FOXP1: variants seen among roughly 807,000 people sequenced by gnomAD.
FOXP1 encodes forkhead box protein P1.
A neutral mutation model predicts 98.2 loss-of-function variants in FOXP1; 15 were observed. The observed-to-expected ratio is 0.15, with a 90% CI of 0.10 to 0.24. The LOEUF (loss-of-function observed/expected upper bound fraction) is 0.24, where lower values mean the gene tolerates loss of function less well. Ranked by LOEUF, FOXP1 falls within the 10% of genes least tolerant of loss-of-function variation. The pLI, the probability that FOXP1 is intolerant of heterozygous loss-of-function variation, is 1.00. For missense variants in FOXP1, 633 were observed against 848.5 expected (o/e 0.75, Z 3.15); for synonymous variants, 371 against 314.5 (o/e 1.18, Z -1.90).
intron 2 of FOXP1, among the ~76,000 whole-genome samples, chr3:71,530,338 C>T (rs190635930): frequency 9.9e-5 from 15 of 152,134 alleles, no homozygotes; most frequent in Admixed American, 2.0e-4. Context: ...CACACCCTCC[C>T]GCCACGTGAT....
chr3:71,228,985 G>A (rs1386116559), intron 5 of FOXP1, among the ~76,000 whole-genome samples: 1 of 134,124 alleles, frequency 7.5e-6, no homozygotes, highest in South Asian at 2.4e-4. Flanking sequence ...TTTTTTTGAT[G>A]TCTCATTTTT....
intron 4 of FOXP1, among the ~76,000 whole-genome samples, chr3:71,353,599 ATTG>A (rs1377618018): frequency 6.6e-6 from 1 of 152,118 alleles, no homozygotes; most frequent in Non-Finnish European, 1.5e-5. Context: ...ATGTCCTTTT[ATTG>A]TTAAGTTGCA....
chr3:71,480,111 G>T (rs1386540283), intron 3 of FOXP1, among the ~76,000 whole-genome samples: 1 of 152,194 alleles, frequency 6.6e-6, no homozygotes, highest in Admixed American at 6.5e-5. Context: ...CAGAAGAATT[G>T]GTTGACCCCG....
chr3:71,193,124 TTTGTTG>T (rs539003963), intron 6 of FOXP1, among the ~76,000 whole-genome samples: 6 of 151,430 alleles, frequency 4.0e-5, no homozygotes, highest in East Asian at 1.9e-4. Flanking sequence ...ATCCCCTTTG[TTTGTTG>T]TTGTTGTTGT....
chr3:71,459,503 C>T (rs1350137842), intron 3 of FOXP1, among the ~76,000 whole-genome samples: 3 of 152,196 alleles, frequency 2.0e-5, no homozygotes, highest in South Asian at 2.1e-4. Flanking sequence ...CCCTTCCTAA[C>T]GCAGCTTTTT....
At chr3:71,441,643 T>C (rs1307830654) in intron 3 of FOXP1, among the ~76,000 whole-genome samples, 1 of 152,220 alleles carries the variant, frequency 6.6e-6, no homozygotes, top group Non-Finnish European at 1.5e-5. Context: ...ACTGGTGGAA[T>C]TTTAAATCAG....
chr3:70,994,436 C>T (rs1175040993), intron 13 of FOXP1, among the ~76,000 whole-genome samples: 2 of 152,154 alleles, frequency 1.3e-5, no homozygotes, highest in Admixed American at 6.5e-5. Context: ...TCCTTTCTTC[C>T]TTATCCTACA....
At chr3:71,319,287 G>A (rs986382724) in intron 4 of FOXP1, among the ~76,000 whole-genome samples, 24 of 152,098 alleles carry the variant, frequency 1.6e-4, no homozygotes, top group Admixed American at 1.6e-3. Context: ...TTTTGTTGCT[G>A]TTTGGGGGTC....
intron 5 of FOXP1, among the ~76,000 whole-genome samples, chr3:71,281,424 T>TCAAAA (rs2071552678): frequency 6.6e-6 from 1 of 152,128 alleles, no homozygotes; most frequent in Non-Finnish European, 1.5e-5. Flanking sequence ...AAAACACATC[T>TCAAAA]GAGTGGTGAG....
At chr3:71,361,404 C>T (rs754842151) in intron 3 of FOXP1, among the ~76,000 whole-genome samples, 5 of 152,154 alleles carry the variant, frequency 3.3e-5, no homozygotes, top group Non-Finnish European at 5.9e-5. Flanking sequence ...AAGGAACAGT[C>T]GGCAGATCAC....
chr3:71,036,103 G>A (rs2047542102), intron 11 of FOXP1, among the ~76,000 whole-genome samples: 1 of 152,136 alleles, frequency 6.6e-6, no homozygotes, highest in Admixed American at 6.5e-5. Context: ...AACATGTCAA[G>A]AGGCCACAAA....
intron 4 of FOXP1, among the ~76,000 whole-genome samples, chr3:71,345,341 C>A (rs2077260158): frequency 6.6e-6 from 1 of 151,602 alleles, no homozygotes; most frequent in African/African-American, 2.4e-5. Context: ...TGAGCCAAGA[C>A]TGTGCCACTG....
At chr3:71,103,199 T>G (rs997418568) in intron 7 of FOXP1, among the ~76,000 whole-genome samples, 7 of 152,176 alleles carry the variant, frequency 4.6e-5, no homozygotes, top group African/African-American at 1.7e-4. Flanking sequence ...AATGAATGCA[T>G]GCATGTATGA....
At chr3:71,482,518 G>T (rs1056080696) in intron 3 of FOXP1, among the ~76,000 whole-genome samples, 1 of 151,628 alleles carries the variant, frequency 6.6e-6, no homozygotes, top group Non-Finnish European at 1.5e-5. Flanking sequence ...AGGGTAACTG[G>T]GATTACCAAG....
At chr3:71,391,177 C>A (rs1182452607) in intron 3 of FOXP1, among the ~76,000 whole-genome samples, 1 of 152,184 alleles carries the variant, frequency 6.6e-6, no homozygotes, top group Non-Finnish European at 1.5e-5. Context: ...ATTTCCAATT[C>A]TAGATTGGAC....
chr3:71,105,430 C>T (rs2057344511), intron 7 of FOXP1, among the ~76,000 whole-genome samples: 1 of 152,182 alleles, frequency 6.6e-6, no homozygotes, highest in Non-Finnish European at 1.5e-5. Flanking sequence ...GCACATGGAA[C>T]TAATGACTCC....
At chr3:70,995,144 G>C (rs1196147480) in intron 13 of FOXP1, among the ~76,000 whole-genome samples, 1 of 152,100 alleles carries the variant, frequency 6.6e-6, no homozygotes, top group Non-Finnish European at 1.5e-5. Context: ...TTAGAGGCTG[G>C]AAGAGTTCAT....
chr3:71,359,934 A>T (rs1347575157), intron 3 of FOXP1, among the ~76,000 whole-genome samples: 1 of 152,086 alleles, frequency 6.6e-6, no homozygotes, highest in African/African-American at 2.4e-5. Flanking sequence ...CTGGGATTAC[A>T]GGTGTCCGCC....
At chr3:71,431,538 G>GC (rs2084716910) in intron 3 of FOXP1, among the ~76,000 whole-genome samples, 1 of 152,154 alleles carries the variant, frequency 6.6e-6, no homozygotes, top group South Asian at 2.1e-4. Flanking sequence ...AAGAGATCTG[G>GC]TAATTTTCCA....
Sources: gnomAD v4.1 joint callset for allele counts (sites outside exome capture counted in the v4.1 genomes callset) on GRCh38, gnomAD v4.1.1 for gene constraint, MANE v1.5 for transcripts, NCBI Gene and HGNC (gene_info 2026-07-23, HGNC 2026-07-21) for gene names.